Variants in RORB observed in about 807,000 individuals in gnomAD.
The protein encoded by RORB is nuclear receptor ROR-beta.
Under a neutral mutation model 59.1 loss-of-function variants are expected in RORB, and 6 were observed. The observed-to-expected ratio is 0.10, with a 90% CI of 0.06 to 0.20. The LOEUF (loss-of-function observed/expected upper bound fraction) is 0.20, where lower values mean the gene tolerates loss of function less well. RORB is among the 10% of genes least tolerant of loss of function. The pLI, the probability that RORB is intolerant of heterozygous loss-of-function variation, is 1.00. For missense variants in RORB, 320 were observed against 560.5 expected, an observed-to-expected ratio of 0.57 and a Z score of 4.33; for synonymous variants, 215 against 204.5, an observed-to-expected ratio of 1.05 and a Z score of -0.44.
At chr9:74,648,675 A>T (rs1441894271) in intron 4 of RORB, among the ~76,000 whole-genome samples, 1 of 152,214 alleles carries the variant, frequency 6.6e-6, no homozygotes, top group Non-Finnish European at 1.5e-5. Flanking sequence ...CTGTCAAATC[A>T]GAACCGTGCA....
chr9:74,508,576 A>T (rs2118032555), intron 1 of RORB, among the ~76,000 whole-genome samples: 1 of 152,148 alleles, frequency 6.6e-6, no homozygotes, highest in East Asian at 1.9e-4. Context: ...GTTGTAGGTG[A>T]CACCTTCTAT....
chr9:74,690,797 A>G lies in RORB; in HGVS notation c.*5179A>G, dbSNP rs763894724. On this transcript the variant is annotated 3_prime_UTR_variant, in exon 10 of 10. Coordinates refer to ENST00000376896, the MANE Select transcript of RORB (RefSeq NM_006914.4). The stretch of plus-strand genomic sequence containing the variant: ...AGCAAACAGTCTAAAAATGAAAACT[A>G]TTCAATTTAGTGATGGCTTATAAAA... 5 of 152,204 alleles carry G rather than the reference A, an allele frequency of 3.3e-5. No homozygotes were observed. Among genetic ancestry groups the G allele is most frequent in the African/African-American group, 1.2e-4 (5 of 41,458 alleles). 9.4% of individuals were successfully genotyped at this position (152,204 alleles called of 1,614,324 possible). A position where few individuals can be genotyped will look rare whatever the true frequency, so the allele number is the denominator to read the frequency against.
At chr9:74,619,583 C>A (rs888960801) in intron 1 of RORB, among the ~76,000 whole-genome samples, 1 of 152,114 alleles carries the variant, frequency 6.6e-6, no homozygotes, top group South Asian at 2.1e-4. Flanking sequence ...TCCTGAGTAG[C>A]TGGGATTACA....
chr9:74,565,304 A>G (rs570586299), intron 1 of RORB, among the ~76,000 whole-genome samples: 2 of 152,342 alleles, frequency 1.3e-5, no homozygotes, highest in Admixed American at 6.5e-5. Flanking sequence ...GAGAATTGCT[A>G]GAGAGAACCA....
At chr9:74,509,438 C>T (rs1411483583) in intron 1 of RORB, among the ~76,000 whole-genome samples, 1 of 151,942 alleles carries the variant, frequency 6.6e-6, no homozygotes, top group East Asian at 1.9e-4. Context: ...CACTAAGAAT[C>T]TGTATCCACT....
chr9:74,631,062 C>T (rs1823610278), intron 2 of RORB, among the ~76,000 whole-genome samples: 1 of 152,196 alleles, frequency 6.6e-6, no homozygotes, highest in African/African-American at 2.4e-5. Flanking sequence ...TGTTCCACTT[C>T]CAGACAGATT....
Position 74,642,439 on chromosome 9 carries a change from G to A in RORB, c.261G>A (p.Lys87=). ...CTGTGAAGTTTGGGAGGATGTCCAA[G>A]AAGCAAAGGGACAGCCTGTATGCTG... The part of the protein sequence containing the change: ...RDAVKFGRMS[K]KQRDSLYAEV... The change falls in exon 4 of 10, where the codon AAG becomes AAA. Residue 87 remains lysine (K), a synonymous_variant. Transcript: ENST00000376896. 6.2e-7 allele frequency: 1 copy of A among 1,611,478 alleles called. No homozygotes were observed. Among genetic ancestry groups the A allele is most frequent in the East Asian group, 2.2e-5 (1 of 44,858 alleles).
At chr9:74,631,246 T>TA (rs1823612504) in intron 2 of RORB, among the ~76,000 whole-genome samples, 1 of 152,190 alleles carries the variant, frequency 6.6e-6, no homozygotes, top group African/African-American at 2.4e-5. Flanking sequence ...GTGAGAGACA[T>TA]AATAGCCAGG....
At chr9:74,646,388 C>A (rs999474533) in intron 4 of RORB, among the ~76,000 whole-genome samples, 5 of 151,962 alleles carry the variant, frequency 3.3e-5, no homozygotes, top group Non-Finnish European at 5.9e-5. Flanking sequence ...ATGCAGATCC[C>A]AAAAAGTCAG....
At chr9:74,523,877 T>C (rs1223468098) in intron 1 of RORB, among the ~76,000 whole-genome samples, 1 of 151,930 alleles carries the variant, frequency 6.6e-6, no homozygotes, top group African/African-American at 2.4e-5. Context: ...TTTGGGTTCA[T>C]AGTCAGTCTT....
intron 1 of RORB, among the ~76,000 whole-genome samples, chr9:74,524,726 A>G (rs1319449983): frequency 1.3e-5 from 2 of 151,940 alleles, no homozygotes; most frequent in African/African-American, 2.4e-5. Flanking sequence ...ATGAAAAGCC[A>G]CATTCAAAAA....
At chr9:74,552,889 G>T (rs1378477162) in intron 1 of RORB, among the ~76,000 whole-genome samples, 1 of 152,154 alleles carries the variant, frequency 6.6e-6, no homozygotes, top group Non-Finnish European at 1.5e-5. Flanking sequence ...AGTCATGGAA[G>T]AACTGTCTGA....
Position 74,642,490 on chromosome 9 carries a change from G to C in RORB, c.312G>C (p.Leu104=). Residue 104 remains leucine, a synonymous_variant, in exon 4 of 10, where the codon CTG becomes CTC. Coordinates refer to ENST00000376896, the MANE Select transcript of RORB (RefSeq NM_006914.4). ...AGGTGCAGAAGCACCAGCAGCGGCT[G>C]CAGGAACAGCGGCAGCAGCAGAGTG... ...YAEVQKHQQR[L]QEQRQQQSGE... 6.2e-7 allele frequency: 1 copy of C among 1,614,236 alleles called. No individual in the cohort carries two copies. The highest frequency in any genetic ancestry group is 8.5e-7 in the Non-Finnish European group (1 of 1,180,034).
At chr9:74,623,433 T>TTC (rs1392162640) in intron 1 of RORB, among the ~76,000 whole-genome samples, 11 of 94,288 alleles carry the variant, frequency 1.2e-4, no homozygotes, top group South Asian at 5.2e-4. Context: ...GGCCAGAGTT[T>TTC]TCTCTCTCTT....
rs755121385 is a variant in RORB at position 74,690,451 on chromosome 9, G to A, written c.*4833G>A. On this transcript the variant is annotated 3_prime_UTR_variant, in exon 10 of 10. Coordinates refer to ENST00000376896, the MANE Select transcript of RORB (RefSeq NM_006914.4). ...CACGATTTACCTGAAACTGAATGCT[G>A]CTAGAGCTTCTGAATTTTATAAAAT... The A allele has an allele frequency of 6.6e-6, 1 of 152,186 alleles. No individual in the cohort carries two copies. Among genetic ancestry groups the A allele is most frequent in the Non-Finnish European group, 1.5e-5 (1 of 68,034 alleles). The allele number at this position is 152,186 out of a possible 1,614,324, so 9.4% of individuals were successfully genotyped here.
At chr9:74,647,662 A>G (rs1823922353) in intron 4 of RORB, among the ~76,000 whole-genome samples, 1 of 152,210 alleles carries the variant, frequency 6.6e-6, no homozygotes, top group African/African-American at 2.4e-5. Context: ...ATAAATATAA[A>G]TCTCTTTTTT....
chr9:74,511,378 CAT>C (rs1331234225), intron 1 of RORB, among the ~76,000 whole-genome samples: 6 of 152,016 alleles, frequency 3.9e-5, no homozygotes, highest in African/African-American at 1.4e-4. Flanking sequence ...TTGAAGAAAA[CAT>C]AAAACTGTTA....
intron 1 of RORB, among the ~76,000 whole-genome samples, chr9:74,515,616 A>G (rs1825998048): frequency 6.6e-6 from 1 of 152,048 alleles, no homozygotes; most frequent in Non-Finnish European, 1.5e-5. Context: ...CCATGAAAAA[A>G]TATGCTTTCT....
chr9:74,660,859 G>A, intron 5 of RORB, 121 bp downstream of exon 5: 1 of 998,052 alleles, frequency 1.0e-6, no homozygotes, highest in Non-Finnish European at 1.5e-6. Context: ...CCTGCAAATT[G>A]TTCGATACTT....
Sources: gnomAD v4.1 joint callset for allele counts (sites outside exome capture counted in the v4.1 genomes callset) on GRCh38, gnomAD v4.1.1 for gene constraint, MANE v1.5 for transcripts, NCBI Gene and HGNC (gene_info 2026-07-23, HGNC 2026-07-21) for gene names.